DOCK8: variants seen among roughly 807,000 people sequenced by gnomAD.
DOCK8 encodes the protein dedicator of cytokinesis protein 8.
A neutral mutation model predicts 245.6 loss-of-function variants in DOCK8; 141 were observed. The ratio of observed to expected loss-of-function variants is 0.57; its 90% CI spans 0.50 to 0.66. The LOEUF (loss-of-function observed/expected upper bound fraction) is 0.66. DOCK8 is among the 30% of genes least tolerant of loss of function. The pLI is 0.00. For synonymous variants in DOCK8, 1,168 were observed against 970.2 expected, an observed-to-expected ratio of 1.20 and a Z score of -3.79; for missense variants, 2,965 against 2,603.4, an observed-to-expected ratio of 1.14 and a Z score of -3.02.
intron 28 of DOCK8, 72 bp from the exon 29 acceptor site, chr9:414,710 C>A: frequency 6.3e-7 from 1 of 1,593,732 alleles, no homozygotes; most frequent in Non-Finnish European, 8.6e-7. Context: ...TTTCATCACT[C>A]TTGACTGTTT....
chr9:464,456 G>A lies in DOCK8; in HGVS notation c.*237G>A, dbSNP rs893186822. ...AGGATGGGTACTCAGGCATGACTGC[G>A]TATTTATTAAAGTGTGTTTTTCCAC... is the stretch of plus-strand genomic sequence containing the variant. On this transcript the variant is annotated 3_prime_UTR_variant, in exon 48 of 48. Coordinates refer to ENST00000432829, the MANE Select transcript of DOCK8 (RefSeq NM_203447.4). 22 of 591,040 alleles carry A rather than the reference G, an allele frequency of 3.7e-5. No homozygotes were observed. Among genetic ancestry groups the A allele is most frequent in the African/African-American group, 2.2e-4 (12 of 53,624 alleles). 36.6% of individuals were successfully genotyped at this position (591,040 alleles called of 1,614,324 possible).
Position 414,887 on chromosome 9 carries a change from C to T in DOCK8, c.3636C>T (p.Ala1212=), listed in dbSNP as rs745506610. Residue 1212 remains alanine (A), a synonymous_variant, in exon 29 of 48, where the codon GCC becomes GCT. Transcript: ENST00000432829. The part of the protein sequence containing the change: ...CVKPEVKVKI[A]ALYLPLVGII... ...AACCAGAGGTGAAGGTCAAAATCGCCGCCCTTTACCTACCTTTAGTTGGCA... is the reference window on the plus strand; with the variant it reads ...AACCAGAGGTGAAGGTCAAAATCGCTGCCCTTTACCTACCTTTAGTTGGCA... 20 of 1,614,080 alleles carry T rather than the reference C, an allele frequency of 1.2e-5. 1 individual carries two copies. Among genetic ancestry groups the T allele is most frequent in the South Asian group, 5.5e-5 (5 of 91,086 alleles).
chr9:424,754 T>C (rs1433571005), intron 33 of DOCK8, among the ~76,000 whole-genome samples: 1 of 152,212 alleles, frequency 6.6e-6, no homozygotes, highest in Non-Finnish European at 1.5e-5. Context: ...TAGTGATGGT[T>C]GCACAATATG....
intron 37 of DOCK8, 95 bp from the exon 38 acceptor site, chr9:433,780 C>G: frequency 9.6e-7 from 1 of 1,045,362 alleles, no homozygotes; most frequent in African/African-American, 1.6e-5. Context: ...CTGATCCAAC[C>G]CTTCCCATGG....
intron 26 of DOCK8, among the ~76,000 whole-genome samples, chr9:404,125 G>A (rs1277167736): frequency 6.6e-6 from 1 of 151,134 alleles, no homozygotes; most frequent in Non-Finnish European, 1.5e-5. Context: ...AAATATTGAG[G>A]AGCTCAAGGT....
chr9:276,722 C>G (rs2048361461), intron 2 of DOCK8, among the ~76,000 whole-genome samples: 1 of 152,228 alleles, frequency 6.6e-6, no homozygotes, highest in Admixed American at 6.5e-5. Context: ...CAGAGACCCT[C>G]TGGTGCCAGC....
At chr9:414,259 A>G (rs892478612) in intron 28 of DOCK8, among the ~76,000 whole-genome samples, 2 of 152,270 alleles carry the variant, frequency 1.3e-5, no homozygotes, top group East Asian at 1.9e-4. Flanking sequence ...GTAAGTCACA[A>G]TAGCTCAAAA....
rs908746568 is a variant in DOCK8, at chr9:359,251, T to C, written c.1680-8767T>C. Among the ~76,000 whole-genome samples the C allele has an allele frequency of 5.3e-5, 8 of 152,340 alleles. No homozygotes were observed. The South Asian group carries it at 1.7e-3, about 32-fold the overall frequency. ...TTATAAGACTACATTACAATAAAGT[T>C]CTGGTGAGTCTAATTGTTGACCAGA... On this transcript the variant is annotated intron_variant, in intron 14 of 47. Coordinates refer to ENST00000432829, the MANE Select transcript of DOCK8 (RefSeq NM_203447.4).
At chr9:379,968 G>T in intron 21 of DOCK8, 33 bp downstream of exon 21, 1 of 1,602,148 alleles carries the variant, frequency 6.2e-7, no homozygotes, top group Non-Finnish European at 8.5e-7. Flanking sequence ...ACTCTGGTGG[G>T]CGGGGCAACA....
Position 334,388 on chromosome 9 carries a change from A to G in DOCK8, c.1285+4A>G, listed in dbSNP as rs1323338723. 6.2e-7 allele frequency: 1 copy of G among 1,611,990 alleles called. No individual in the cohort carries two copies. The highest frequency in any genetic ancestry group is 8.5e-7 in the Non-Finnish European group (1 of 1,178,370). The stretch of plus-strand genomic sequence containing the variant: ...ACTGATGTGGACTCTGTGGTTGGTA[A>G]GATTTTCACCTGCAGTGGGAAAGGG... On this transcript the variant is annotated splice_donor_region_variant and intron_variant, in intron 11 of 47. Coordinates refer to ENST00000432829, the MANE Select transcript of DOCK8 (RefSeq NM_203447.4).
chr9:262,617 C>T (rs785843), intron 1 of DOCK8, among the ~76,000 whole-genome samples: 3 of 150,450 alleles, frequency 2.0e-5, no homozygotes, highest in African/African-American at 4.9e-5. Flanking sequence ...GTAAAATTCT[C>T]GAAAATGCAA....
chr9:294,756 A>G (rs1479682845), intron 4 of DOCK8, among the ~76,000 whole-genome samples: 2 of 152,216 alleles, frequency 1.3e-5, no homozygotes, highest in Non-Finnish European at 2.9e-5. Context: ...GTAGATAAAC[A>G]AACTCTGGTA....
chr9:426,842 A>T (rs1413155046), intron 33 of DOCK8, 43 bp from the exon 34 acceptor site: 1 of 1,538,164 alleles, frequency 6.5e-7, no homozygotes, highest in Admixed American at 1.7e-5. Context: ...GAACCTGGCC[A>T]GGTTTGACAT....
At chr9:249,050 T>A (rs1252573979) in intron 1 of DOCK8, among the ~76,000 whole-genome samples, 1 of 152,180 alleles carries the variant, frequency 6.6e-6, no homozygotes, top group Non-Finnish European at 1.5e-5. Context: ...ATATCCTATC[T>A]TCTCCTTCCG....
At chr9:310,261 C>T (rs1401039797) in intron 5 of DOCK8, among the ~76,000 whole-genome samples, 2 of 70,474 alleles carry the variant, frequency 2.8e-5, no homozygotes, top group Non-Finnish European at 5.4e-5. Flanking sequence ...ATGTGAAACT[C>T]CGTCTAAAAA....
At chr9:222,769 A>G (rs1394462540) in intron 1 of DOCK8, among the ~76,000 whole-genome samples, 1 of 152,204 alleles carries the variant, frequency 6.6e-6, no homozygotes, top group African/African-American at 2.4e-5. Flanking sequence ...ATTAATGATA[A>G]AGGTAGATTG....
chr9:247,898 TAATA>T (rs2047544250), intron 1 of DOCK8, among the ~76,000 whole-genome samples: 1 of 151,586 alleles, frequency 6.6e-6, no homozygotes, highest in African/African-American at 2.4e-5. Flanking sequence ...GTATTATCAT[TAATA>T]AATAAACTAA....
At chr9:288,667 C>CT (rs1388215579) in intron 3 of DOCK8, among the ~76,000 whole-genome samples, 1 of 152,156 alleles carries the variant, frequency 6.6e-6, no homozygotes, top group African/African-American at 2.4e-5. Flanking sequence ...TCTTACTACT[C>CT]TAACAGCTTT....
chr9:214,637 C>A, upstream of DOCK8: 2 of 1,611,978 alleles, frequency 1.2e-6, no homozygotes, highest in Non-Finnish European at 1.7e-6. Context: ...GGTCGCCTGT[C>A]GTCCGCCCGC....
Sources: gnomAD v4.1 joint callset for allele counts (sites outside exome capture counted in the v4.1 genomes callset) on GRCh38, gnomAD v4.1.1 for gene constraint, MANE v1.5 for transcripts, NCBI Gene and HGNC (gene_info 2026-07-23, HGNC 2026-07-21) for gene names.